Variants in NUDC observed in about 807,000 individuals in gnomAD.
The protein encoded by NUDC is nuclear migration protein nudC.
In NUDC, 14 loss-of-function variants were observed where a neutral mutation model predicts 45.0. The ratio of observed to expected loss-of-function variants is 0.31; its 90% confidence interval spans 0.21 to 0.49. The LOEUF is 0.49. NUDC is among the 20% of genes least tolerant of loss of function. NUDC has a pLI of 0.99. For synonymous variants in NUDC, 153 were observed against 156.7 expected (o/e 0.98, Z 0.17); for missense variants, 323 against 426.2 (o/e 0.76, Z 2.13).
intron 2 of NUDC, among the ~76,000 whole-genome samples, chr1:26,910,518 C>T (rs777135064): frequency 6.6e-6 from 1 of 152,150 alleles, no homozygotes; most frequent in Non-Finnish European, 1.5e-5. Flanking sequence ...ATGATGACGC[C>T]TAGACTGTTA....
intron 2 of NUDC, among the ~76,000 whole-genome samples, chr1:26,940,992 G>A (rs1171286404): frequency 6.6e-6 from 1 of 150,874 alleles, no homozygotes; most frequent in African/African-American, 2.4e-5. Context: ...CACGATCTCT[G>A]CTCACTGCAA....
intron 8 of NUDC, among the ~76,000 whole-genome samples, 150 bp from the exon 9 acceptor site, chr1:26,945,974 TCAAATG>T (rs1457860486): frequency 6.6e-6 from 1 of 152,146 alleles, no homozygotes; most frequent in African/African-American, 2.4e-5. Flanking sequence ...GCCTCGGGAC[TCAAATG>T]CGTCTCAGAT....
intron 2 of NUDC, 118 bp downstream of exon 2, chr1:26,924,284 A>C (rs2082113826): frequency 1.2e-6 from 1 of 838,378 alleles, no homozygotes; most frequent in Non-Finnish European, 2.0e-6. Flanking sequence ...AAAGGTGAGG[A>C]ATTGGGGAAG....
upstream of NUDC, chr1:26,921,669 C>T (rs1051608188): frequency 3.0e-6 from 2 of 664,292 alleles, no homozygotes; most frequent in Non-Finnish European, 5.2e-6. Context: ...GGCCGCAAAC[C>T]GGGAGGAAGG....
chr1:26,925,836 C>T (rs1258199456), intron 2 of NUDC, among the ~76,000 whole-genome samples: 1 of 151,544 alleles, frequency 6.6e-6, no homozygotes, highest in Non-Finnish European at 1.5e-5. Context: ...ATTCTCCTGC[C>T]TCAGCCTCCT....
intron 8 of NUDC, 141 bp from the exon 9 acceptor site, chr1:26,945,989 A>G (rs2082314929): frequency 1.2e-6 from 1 of 826,690 alleles, no homozygotes; most frequent in Admixed American, 1.9e-5. Flanking sequence ...TGCGTCTCAG[A>G]TACCCTGGGC....
chr1:26,941,336 ACCGAGTTTCTGGGTGCAGTGCTTTG>A (rs1407754898), intron 2 of NUDC, 96 bp from the exon 3 acceptor site: 1 of 939,536 alleles, frequency 1.1e-6, no homozygotes, highest in East Asian at 2.5e-5. Flanking sequence ...ACATGAGGAA[ACCGAGTTTCTGGGTGCAGTGCTTTG>A]CCCTTGCACC....
chr1:26,925,758 G>C (rs1234643802), intron 2 of NUDC, among the ~76,000 whole-genome samples: 1 of 122,938 alleles, frequency 8.1e-6, no homozygotes, highest in African/African-American at 3.0e-5. Context: ...GTTTCACTCT[G>C]TTGCCCAGGC....
chr1:26,925,766 G>A (rs2082127059), intron 2 of NUDC, among the ~76,000 whole-genome samples: 1 of 143,780 alleles, frequency 7.0e-6, no homozygotes, highest in Admixed American at 7.1e-5. Flanking sequence ...CTGTTGCCCA[G>A]GCTGCAGTGC....
chr1:26,906,559 T>C (rs2082003862), intron 2 of NUDC, among the ~76,000 whole-genome samples: 1 of 152,038 alleles, frequency 6.6e-6, no homozygotes, highest in Non-Finnish European at 1.5e-5. Context: ...TCTCAATAAA[T>C]GTTACGTGGG....
At chr1:26,900,575 G>C in intron 1 of NUDC, 1 of 707,866 alleles carries the variant, frequency 1.4e-6, no homozygotes, top group South Asian at 1.9e-5. Context: ...CCTGGAGCTG[G>C]AAGATCCGAA....
intron 1 of NUDC, among the ~76,000 whole-genome samples, chr1:26,923,235 T>C (rs1242291149): frequency 6.6e-6 from 1 of 152,184 alleles, no homozygotes; most frequent in Non-Finnish European, 1.5e-5. Context: ...TGCCATACAT[T>C]GCTAAAGGCC....
rs549480907 is a variant in NUDC at position 26,945,635 on chromosome 1, C to T, written c.893C>T (p.Ser298Phe). 6.2e-7 allele frequency: 1 copy of T among 1,614,036 alleles called. No individual in the cohort carries two copies. Among genetic ancestry groups the T allele is most frequent in the Non-Finnish European group, 8.5e-7 (1 of 1,180,024 alleles). The change falls in exon 8 of 9, where the codon TCC becomes TTC. Residue 298 changes from serine (S) to phenylalanine (F), a missense_variant. Physicochemically the swap from Ser to Phe is radical, Grantham distance 155. Coordinates refer to ENST00000321265, the MANE Select transcript of NUDC (RefSeq NM_006600.4). The part of the protein sequence containing the change: ...EKMMYDQRQK[S>F]MGLPTSDEQK... ...ATGATGTATGACCAGCGACAGAAGT[C>T]CATGGGGCTGCCAACTTCAGACGAA...
At chr1:26,940,378 A>C (rs542330153) in intron 2 of NUDC, among the ~76,000 whole-genome samples, 1 of 152,196 alleles carries the variant, frequency 6.6e-6, no homozygotes, top group African/African-American at 2.4e-5. Context: ...CGGGAGGCTA[A>C]GGAAGGAGAA....
chr1:26,942,164 C>T (rs186351421), intron 4 of NUDC, among the ~76,000 whole-genome samples: 6 of 152,092 alleles, frequency 3.9e-5, no homozygotes, highest in African/African-American at 1.2e-4. Flanking sequence ...TGGTGGTGGG[C>T]GCCCGTAATC....
intron 2 of NUDC, among the ~76,000 whole-genome samples, chr1:26,927,261 A>C (rs2082140718): frequency 9.7e-5 from 1 of 10,346 alleles, no homozygotes; most frequent in Non-Finnish European, 2.4e-4. Flanking sequence ...GAGAGAGATG[A>C]ACCGTGTGTG....
At chr1:26,920,293 G>A (rs764620398), upstream of NUDC, among the ~76,000 whole-genome samples, 4 of 151,884 alleles carry the variant, frequency 2.6e-5, no homozygotes, top group Non-Finnish European at 5.9e-5. Flanking sequence ...AGTTTGAAAC[G>A]AGCCTGGCCA....
intron 2 of NUDC, among the ~76,000 whole-genome samples, chr1:26,930,819 C>T (rs1570731912): frequency 6.6e-6 from 1 of 151,494 alleles, no homozygotes; most frequent in Non-Finnish European, 1.5e-5. Context: ...GAGTTTGAGA[C>T]CAGCCTGGCC....
intron 2 of NUDC, among the ~76,000 whole-genome samples, chr1:26,931,109 GCT>G (rs1397432875): frequency 1.3e-5 from 2 of 151,906 alleles, no homozygotes; most frequent in East Asian, 3.9e-4. Flanking sequence ...ACGGAGTCTC[GCT>G]CTGTTGCCCA....
Sources: gnomAD v4.1 joint callset for allele counts (sites outside exome capture counted in the v4.1 genomes callset) on GRCh38, gnomAD v4.1.1 for gene constraint, MANE v1.5 for transcripts, NCBI Gene and HGNC (gene_info 2026-07-23, HGNC 2026-07-21) for gene names.